The following ASIC2 variants were observed in gnomAD, a reference collection of about 807,000 sequenced individuals.
ASIC2 encodes acid sensing ion channel subunit 2.
A neutral mutation model predicts 57.3 loss-of-function variants in ASIC2; 25 were observed. The observed-to-expected ratio is 0.44, with a 90% CI of 0.32 to 0.61. ASIC2 has a LOEUF of 0.61. Ranked by LOEUF, ASIC2 falls within the 20% of genes least tolerant of loss-of-function variation. ASIC2 has a pLI of 0.06. For synonymous variants in ASIC2, 319 were observed against 307.5 expected (o/e 1.04, Z -0.39); for missense variants, 641 against 738.1 (o/e 0.87, Z 1.52).
chr17:33,870,873 G>C (rs1045118721), intron 1 of ASIC2, among the ~76,000 whole-genome samples: 2 of 152,168 alleles, frequency 1.3e-5, no homozygotes, highest in African/African-American at 2.4e-5. Flanking sequence ...TAATATAAGT[G>C]CTAAACATAA....
chr17:33,568,536 G>T (rs918656813), intron 1 of ASIC2, among the ~76,000 whole-genome samples: 1 of 152,070 alleles, frequency 6.6e-6, no homozygotes, highest in Admixed American at 6.6e-5. Flanking sequence ...TTCCGGAAAT[G>T]GTACCTTCCA....
chr17:34,090,616 C>T (rs9890755), intron 1 of ASIC2, among the ~76,000 whole-genome samples: 27,152 of 152,120 alleles, frequency 0.18, 3,063 homozygotes, highest in African/African-American at 0.32. Context: ...TTGGTTTCTT[C>T]ATAAGGTAAC....
At position 34,148,928 on chromosome 17, in the gene ASIC2, G is replaced by A. The variant is rs187076001; in HGVS notation, c.555+7050C>T. Among the ~76,000 whole-genome samples, 720 of 152,162 alleles carry A rather than the reference G, an allele frequency of 4.7e-3. 1 individual carries two copies. The highest frequency in any genetic ancestry group is 8.1e-3 in the Non-Finnish European group (548 of 68,010). On this transcript the variant is annotated intron_variant, in intron 1 of 9. Transcript: ENST00000359872. ...ACATTGATTGGATGTGTACTGTGGA[G>A]CAGACATGACACCAGATGCACAAAA... is the stretch of plus-strand genomic sequence containing the variant.
chr17:33,243,408 G>A (rs1371342215), intron 1 of ASIC2, among the ~76,000 whole-genome samples: 2 of 152,176 alleles, frequency 1.3e-5, no homozygotes, highest in African/African-American at 4.8e-5. Context: ...GTCTGTGGGT[G>A]AATGAAGTTG....
chr17:33,649,204 C>G (rs561141602), intron 1 of ASIC2, among the ~76,000 whole-genome samples: 1 of 152,292 alleles, frequency 6.6e-6, no homozygotes, highest in East Asian at 1.9e-4. Context: ...TAAGTGAATT[C>G]GGCAAGGTTG....
At chr17:33,500,297 G>A (rs868064249) in intron 1 of ASIC2, among the ~76,000 whole-genome samples, 1 of 152,182 alleles carries the variant, frequency 6.6e-6, no homozygotes, top group South Asian at 2.1e-4. Flanking sequence ...AACATGATGT[G>A]ACAGGCCAAA....
chr17:33,729,223 G>A (rs1356674114), intron 1 of ASIC2, among the ~76,000 whole-genome samples: 1 of 152,192 alleles, frequency 6.6e-6, no homozygotes, highest in Non-Finnish European at 1.5e-5. Flanking sequence ...AGAAGGGGGA[G>A]CAGATGCATC....
intron 3 of ASIC2, among the ~76,000 whole-genome samples, chr17:33,067,008 G>C (rs1310558405): frequency 6.6e-6 from 1 of 152,194 alleles, no homozygotes; most frequent in Admixed American, 6.5e-5. Context: ...TGATGGATGA[G>C]TTAGTTACCA....
intron 1 of ASIC2, among the ~76,000 whole-genome samples, chr17:33,174,418 CAAA>C (rs545016244): frequency 4.9e-4 from 60 of 122,004 alleles, no homozygotes; most frequent in East Asian, 2.5e-3. Flanking sequence ...AAGACTCCAT[CAAA>C]AAAAAAAAAA....
chr17:33,762,646 T>C (rs1005087793), intron 1 of ASIC2, among the ~76,000 whole-genome samples: 2 of 152,202 alleles, frequency 1.3e-5, no homozygotes, highest in Non-Finnish European at 2.9e-5. Flanking sequence ...ACTCCTCTCC[T>C]GGCCATAGCC....
chr17:33,038,486 T>C (rs998462814), intron 3 of ASIC2, among the ~76,000 whole-genome samples: 1 of 152,090 alleles, frequency 6.6e-6, no homozygotes, highest in African/African-American at 2.4e-5. Flanking sequence ...GAGTCATTAG[T>C]GTATAATGAA....
At chr17:33,046,583 G>T (rs1461230069) in intron 3 of ASIC2, among the ~76,000 whole-genome samples, 2 of 151,984 alleles carry the variant, frequency 1.3e-5, no homozygotes, top group Admixed American at 6.6e-5. Flanking sequence ...TCTGCAGCCC[G>T]CCTGTCCTCC....
At chr17:33,052,431 A>T (rs918978347) in intron 3 of ASIC2, 5 of 152,252 alleles carry the variant, frequency 3.3e-5, no homozygotes, top group African/African-American at 1.2e-4. Flanking sequence ...TCTGGGCTGC[A>T]GTAATTCTTG....
intron 2 of ASIC2, among the ~76,000 whole-genome samples, chr17:33,095,089 T>C (rs1014957456): frequency 1.3e-5 from 2 of 152,234 alleles, no homozygotes; most frequent in African/African-American, 2.4e-5. Context: ...AGCCATTGCA[T>C]GGAAAGTTCT....
chr17:33,231,955 T>G (rs1908108016), intron 1 of ASIC2, among the ~76,000 whole-genome samples: 2 of 152,248 alleles, frequency 1.3e-5, no homozygotes, highest in South Asian at 4.1e-4. Context: ...TTGTCTGTGA[T>G]ATCTCCAGCA....
chr17:33,279,208 T>C (rs1177821106), intron 1 of ASIC2, among the ~76,000 whole-genome samples: 1 of 152,206 alleles, frequency 6.6e-6, no homozygotes, highest in Non-Finnish European at 1.5e-5. Context: ...TCCCTCTCTC[T>C]TTCTGCACCC....
At chr17:33,114,329 T>C (rs933476834) in intron 1 of ASIC2, among the ~76,000 whole-genome samples, 3 of 152,242 alleles carry the variant, frequency 2.0e-5, no homozygotes, top group African/African-American at 7.2e-5. Flanking sequence ...GGGATCACTG[T>C]AATGAACAGA....
At chr17:33,746,867 A>C (rs79420993) in intron 1 of ASIC2, among the ~76,000 whole-genome samples, 195 of 152,308 alleles carry the variant, frequency 1.3e-3, no homozygotes, top group African/African-American at 4.5e-3. Flanking sequence ...AATGGGATGA[A>C]ATTAGAAATT....
intron 1 of ASIC2, among the ~76,000 whole-genome samples, chr17:33,777,902 G>A (rs1483839493): frequency 6.6e-6 from 1 of 152,128 alleles, no homozygotes; most frequent in Non-Finnish European, 1.5e-5. Flanking sequence ...ATTACCTCTT[G>A]ACTTCCCATT....
Sources: allele counts gnomAD v4.1 joint callset (sites outside exome capture counted in the v4.1 genomes callset), GRCh38; gene constraint gnomAD v4.1.1; transcripts MANE v1.5; gene names NCBI Gene and HGNC (gene_info 2026-07-23, HGNC 2026-07-21).